The following MEI1 variants were observed in gnomAD, a reference collection of about 807,000 sequenced individuals.
The protein encoded by MEI1 is meiotic double-stranded break formation protein 1, also known as meiosis inhibitor protein 1.
MEI1 carries 103 observed loss-of-function variants against 146.2 expected under a neutral mutation model. That is an observed-to-expected ratio of 0.70 (90% CI 0.60 to 0.83). MEI1 has a LOEUF of 0.83. Among genes scored for constraint, MEI1 ranks in the 40% least tolerant of loss-of-function variants. The pLI, the probability that MEI1 is intolerant of heterozygous loss-of-function variation, is 0.00. For missense variants in MEI1, 1,529 were observed against 1,533.0 expected, an observed-to-expected ratio of 1.00 and a Z score of 0.04; for synonymous variants, 652 against 628.2, an observed-to-expected ratio of 1.04 and a Z score of -0.57.
intron 21 of MEI1, among the ~76,000 whole-genome samples, chr22:41,777,195 G>A (rs1039375637): frequency 1.4e-5 from 2 of 146,260 alleles, no homozygotes; most frequent in Non-Finnish European, 1.5e-5. Context: ...TCACTCTGTC[G>A]TTCAGGCTGG....
chr22:41,727,449 G>A (rs541582367), intron 7 of MEI1, among the ~76,000 whole-genome samples: 3 of 152,300 alleles, frequency 2.0e-5, no homozygotes, highest in East Asian at 3.9e-4. Context: ...TGAGATGTTT[G>A]GAGTAGCAAA....
intron 18 of MEI1, among the ~76,000 whole-genome samples, chr22:41,762,012 A>G (rs1340768328): frequency 6.6e-6 from 1 of 152,220 alleles, no homozygotes; most frequent in African/African-American, 2.4e-5. Context: ...TGTATACACC[A>G]TAATTTGCTT....
intron 26 of MEI1, 37 bp from the exon 27 acceptor site, chr22:41,793,792 C>T: frequency 6.5e-7 from 1 of 1,545,378 alleles, no homozygotes. Flanking sequence ...CCATTGGTAG[C>T]AAAACCTGAC....
chr22:41,700,226 G>C (rs536633201), intron 1 of MEI1, among the ~76,000 whole-genome samples: 1 of 152,242 alleles, frequency 6.6e-6, no homozygotes, highest in Non-Finnish European at 1.5e-5. Context: ...AGGAGTGACA[G>C]GTTACAGCCG....
At chr22:41,702,651 G>T (rs1381713572) in intron 1 of MEI1, among the ~76,000 whole-genome samples, 1 of 151,716 alleles carries the variant, frequency 6.6e-6, no homozygotes, top group African/African-American at 2.4e-5. Context: ...CTCCATGTTG[G>T]TCAGGCCAGT....
At chr22:41,756,837 C>CT (rs1364215084) in intron 17 of MEI1, among the ~76,000 whole-genome samples, 1 of 152,218 alleles carries the variant, frequency 6.6e-6, no homozygotes, top group East Asian at 1.9e-4. Flanking sequence ...CGTAAGAAAT[C>CT]TAGAAGTCTC....
intron 21 of MEI1, among the ~76,000 whole-genome samples, chr22:41,777,826 CTCCT>C (rs2075537492): frequency 6.6e-6 from 1 of 151,048 alleles, no homozygotes; most frequent in East Asian, 2.0e-4. Context: ...CCTTCCTTCC[CTCCT>C]TCCTTCCTTC....
intron 3 of MEI1, among the ~76,000 whole-genome samples, chr22:41,710,352 G>A (rs1262898775): frequency 6.6e-6 from 1 of 152,188 alleles, no homozygotes; most frequent in Non-Finnish European, 1.5e-5. Context: ...GGAAGCCCTA[G>A]TGAGCTATTA....
Position 41,718,219 on chromosome 22 carries a change from C to CT in MEI1, c.680dup (p.Leu228ProfsTer15). On this transcript the variant is annotated frameshift_variant, in exon 6 of 31. Coordinates refer to ENST00000401548, the MANE Select transcript of MEI1 (RefSeq NM_152513.4). LOFTEE classifies it high-confidence loss of function. Reference sequence around the variant, plus strand: ...ACTTCCGTGAGAAGCTTTTTCCCCTCTTCCTTTCCATCCTGGATGGTGCCC... The same window carrying CT: ...ACTTCCGTGAGAAGCTTTTTCCCCTCTTTCCTTTCCATCCTGGATGGTGCCC... 6.2e-7 allele frequency: 1 copy of CT among 1,613,946 alleles called. No homozygotes were observed. The highest frequency in any genetic ancestry group is 8.5e-7 in the Non-Finnish European group (1 of 1,179,842).
At chr22:41,784,543 T>C in intron 25 of MEI1, 65 bp from the exon 26 acceptor site, 1 of 1,594,422 alleles carries the variant, frequency 6.3e-7, no homozygotes, top group Non-Finnish European at 8.6e-7. Context: ...TCCCATCCTG[T>C]GACAGAGCTG....
rs534571731 is a variant in MEI1 at position 41,736,351 on chromosome 22, G to A, written c.1331+3748G>A. 4.0e-5 allele frequency among the ~76,000 whole-genome samples: 6 copies of A among 150,706 alleles called. No individual in the cohort carries two copies. The South Asian group carries it at 6.3e-4, about 16-fold the overall frequency. On this transcript the variant is annotated intron_variant, in intron 11 of 30. Transcript: ENST00000401548. ...TGCAAGTTGTGCCTCCCGGGTTCAC[G>A]CCATTCTCCCGCCTCAGCCTCCCGA... is the stretch of plus-strand genomic sequence containing the variant.
chr22:41,704,414 C>CTTT (rs563536729), intron 2 of MEI1, among the ~76,000 whole-genome samples: 4 of 137,712 alleles, frequency 2.9e-5, no homozygotes, highest in Admixed American at 7.2e-5. Flanking sequence ...AATTCTTACC[C>CTTT]TTTTTTTTTT....
At chr22:41,771,088 A>G (rs1170155847) in intron 20 of MEI1, 127 bp downstream of exon 20, 8 of 1,047,864 alleles carry the variant, frequency 7.6e-6, no homozygotes, top group Non-Finnish European at 8.3e-6. Context: ...CACTGTCTGC[A>G]TGTGAGTTGG....
chr22:41,798,225 GCA>G (rs138708111), intron 30 of MEI1, among the ~76,000 whole-genome samples: 101 of 147,014 alleles, frequency 6.9e-4, no homozygotes, highest in Admixed American at 1.6e-3. Flanking sequence ...ATGGCCAGGT[GCA>G]CACACACACA....
At chr22:41,740,047 T>C (rs927448088) in intron 11 of MEI1, among the ~76,000 whole-genome samples, 3 of 149,078 alleles carry the variant, frequency 2.0e-5, no homozygotes, top group African/African-American at 7.4e-5. Flanking sequence ...GGGGGTGGAG[T>C]CTCGCTCTGT....
chr22:41,705,222 A>T (rs1380988234), intron 2 of MEI1, among the ~76,000 whole-genome samples: 2 of 144,744 alleles, frequency 1.4e-5, no homozygotes, highest in African/African-American at 5.2e-5. Flanking sequence ...CCCAGGCTGG[A>T]GTGCAGTGGT....
rs1246193179 is a variant in MEI1, at chr22:41,784,201, A to G, written c.3088-138A>G. The G allele has an allele frequency of 8.6e-6, 6 of 696,716 alleles. 1 individual carries two copies. The South Asian group carries it at 9.0e-5, about 10-fold the overall frequency. 43.2% of individuals were successfully genotyped at this position (696,716 alleles called of 1,614,324 possible). A position where few individuals can be genotyped will look rare whatever the true frequency, so the allele number is the denominator to read the frequency against. ...AGCCAGGGCTGGTGCAGCTTGGAGG[A>G]CTCTGTGTGGCCTCCTCCGTCCCCT... On this transcript the variant is annotated intron_variant, in intron 24 of 30. Transcript: ENST00000401548.
intron 1 of MEI1, among the ~76,000 whole-genome samples, chr22:41,701,359 G>A (rs1053734348): frequency 6.6e-6 from 1 of 152,144 alleles, no homozygotes; most frequent in Non-Finnish European, 1.5e-5. Flanking sequence ...GGCCGGGTCC[G>A]GTGGCTCACA....
intron 19 of MEI1, among the ~76,000 whole-genome samples, chr22:41,766,224 A>AG: frequency 6.8e-6 from 1 of 147,404 alleles, no homozygotes; most frequent in South Asian, 2.1e-4. Flanking sequence ...CCCAAGCTGG[A>AG]GTGCAGTGGC....
Sources: allele counts gnomAD v4.1 joint callset (sites outside exome capture counted in the v4.1 genomes callset), GRCh38; gene constraint gnomAD v4.1.1; transcripts MANE v1.5; gene names NCBI Gene and HGNC (gene_info 2026-07-23, HGNC 2026-07-21).